KSR2: variants seen among roughly 807,000 people sequenced by gnomAD.
The protein encoded by KSR2 is kinase suppressor of ras 2.
A neutral mutation model predicts 107.8 loss-of-function variants in KSR2; 25 were observed. That is an observed-to-expected ratio of 0.23 (90% CI 0.17 to 0.32). The LOEUF is 0.32. Among genes scored for constraint, KSR2 ranks in the 10% least tolerant of loss-of-function variants. The pLI is 1.00. For synonymous variants in KSR2, 480 were observed against 507.0 expected, an observed-to-expected ratio of 0.95 and a Z score of 0.71; for missense variants, 887 against 1,268.9, an observed-to-expected ratio of 0.70 and a Z score of 4.57.
chr12:117,485,609 G>T lies in KSR2; in HGVS notation c.2302C>A (p.Gln768Lys). Residue 768 changes from glutamine to lysine, a missense_variant, in exon 15 of 20, where the codon CAA becomes AAA. Around this residue, in one of 8 missense-constraint regions of KSR2, gnomAD observed 308 missense variants for 506.2 expected, o/e 0.61. Transcript: ENST00000339824. ...GCCGACAGTACCTTCACAATTTCTT[G>T]AGCAATCTGCCTGGTTTTGTTGACA... ...LDVNKTRQIA[Q>K]EIVKGMGYLH... 1 of 1,613,266 alleles carries T rather than the reference G, an allele frequency of 6.2e-7. No homozygotes were observed. The highest frequency in any genetic ancestry group is 1.1e-5 in the South Asian group (1 of 91,038).
At chr12:117,601,610 G>A (rs892358315) in intron 5 of KSR2, among the ~76,000 whole-genome samples, 12 of 152,158 alleles carry the variant, frequency 7.9e-5, no homozygotes, top group Non-Finnish European at 1.8e-4. Flanking sequence ...GCCACCACCA[G>A]AAGCTGGGAG....
chr12:117,882,892 T>A (rs1420285512), intron 1 of KSR2, among the ~76,000 whole-genome samples: 1 of 151,844 alleles, frequency 6.6e-6, no homozygotes, highest in Non-Finnish European at 1.5e-5. Context: ...CATCCATCCA[T>A]CCACCCATCC....
chr12:117,713,472 C>A (rs1886870041), intron 4 of KSR2, among the ~76,000 whole-genome samples: 1 of 148,426 alleles, frequency 6.7e-6, no homozygotes, highest in South Asian at 2.1e-4. Context: ...GAATGTGCAA[C>A]AAATGTTGAG....
At chr12:117,555,461 T>C (rs889692744) in intron 8 of KSR2, among the ~76,000 whole-genome samples, 168 bp from the exon 9 acceptor site, 7 of 152,234 alleles carry the variant, frequency 4.6e-5, no homozygotes, top group African/African-American at 1.7e-4. Flanking sequence ...ACTCTGTGGT[T>C]TGCAACATAT....
chr12:117,805,267 T>C lies in KSR2; in HGVS notation c.473-43743A>G, dbSNP rs527388955. Among the ~76,000 whole-genome samples, 11 of 152,352 alleles carry C rather than the reference T, an allele frequency of 7.2e-5. No individual in the cohort carries two copies. In the East Asian group the frequency reaches 1.9e-3, roughly 27 times the overall value. On this transcript the variant is annotated intron_variant, in intron 3 of 19. Transcript: ENST00000339824. ...GGGACTAACTTGGCTGTGCTGAATT[T>C]AGACTCTGAATATTACTCAAGCCAT...
chr12:117,968,197 G>A lies in KSR2; in HGVS notation c.59C>T (p.Ala20Val), dbSNP rs749908572. ...EEQQPLSLQK[A>V]LQQCELVQNM... Reference sequence around the variant, plus strand: ...TTGGACCAGTTCGCACTGCTGTAAGGCTTTTTGCAAACTCAGAGGCTGCTG... The same window carrying A: ...TTGGACCAGTTCGCACTGCTGTAAGACTTTTTGCAAACTCAGAGGCTGCTG... The change falls in exon 1 of 20, where the codon GCC becomes GTC. Residue 20 changes from alanine (A) to valine (V), a missense_variant. Around this residue, in one of 8 missense-constraint regions of KSR2, gnomAD observed 32 missense variants for 25.9 expected, o/e 1.23. Transcript: ENST00000339824. 1.2e-6 allele frequency: 2 copies of A among 1,604,858 alleles called. No homozygotes were observed.
chr12:117,793,680 C>A (rs1890402863), intron 3 of KSR2, among the ~76,000 whole-genome samples: 1 of 150,052 alleles, frequency 6.7e-6, no homozygotes, highest in African/African-American at 2.5e-5. Flanking sequence ...CATGCACACA[C>A]CAACATGCAC....
At chr12:117,851,796 C>T (rs1302800230) in intron 3 of KSR2, among the ~76,000 whole-genome samples, 1 of 151,592 alleles carries the variant, frequency 6.6e-6, no homozygotes, top group East Asian at 1.9e-4. Context: ...GAGGCTGAGG[C>T]AAGGGAATCA....
chr12:117,854,888 T>A lies in KSR2; in HGVS notation c.472+540A>T, dbSNP rs866708973. On this transcript the variant is annotated intron_variant, in intron 3 of 19. Transcript: ENST00000339824. ...TTTTATTAGGTGAAAAAAAAAAAAA[T>A]TTAAGCAATATGTGTGGATAATTCT... Among the ~76,000 whole-genome samples, 504 of 151,334 alleles carry A rather than the reference T, an allele frequency of 3.3e-3. 3 individuals carry two copies. The highest frequency in any genetic ancestry group is 0.011 in the African/African-American group (454 of 41,204).
intron 1 of KSR2, among the ~76,000 whole-genome samples, chr12:117,861,757 T>C (rs1893305646): frequency 2.0e-5 from 3 of 152,120 alleles, no homozygotes; most frequent in Admixed American, 2.0e-4. Flanking sequence ...ACATTTTATT[T>C]AAACTCTTTT....
At chr12:117,924,449 G>A (rs1566083982) in intron 1 of KSR2, among the ~76,000 whole-genome samples, 1 of 150,884 alleles carries the variant, frequency 6.6e-6, no homozygotes, top group Non-Finnish European at 1.5e-5. Flanking sequence ...GCAGGCGCCT[G>A]TAATCCCAGC....
At chr12:117,944,593 C>T (rs768166026) in intron 1 of KSR2, among the ~76,000 whole-genome samples, 5 of 151,254 alleles carry the variant, frequency 3.3e-5, no homozygotes, top group Non-Finnish European at 5.9e-5. Context: ...CAGTGGCTCA[C>T]GCCTGCAATC....
At chr12:117,636,952 TAA>T (rs55981634) in intron 5 of KSR2, among the ~76,000 whole-genome samples, 25,050 of 149,394 alleles carry the variant, frequency 0.17, 2,147 homozygotes, top group Middle Eastern at 0.24. Context: ...TAAAAGTCAA[TAA>T]AAAAAAAGAG....
chr12:117,731,568 A>G (rs112262476), intron 4 of KSR2, among the ~76,000 whole-genome samples: 21,604 of 152,226 alleles, frequency 0.14, 1,562 homozygotes, highest in Middle Eastern at 0.17. Context: ...AGGCCATGAT[A>G]ACGATGGCGG....
rs564574828 is a variant in KSR2 at position 117,842,604 on chromosome 12, C to A, written c.472+12824G>T. Reference sequence around the variant, plus strand: ...GCCAAGCACAAGTTCAATGTCAATTCTGCACCCAATTCTTCTGCCCAGCAC... The same window carrying A: ...GCCAAGCACAAGTTCAATGTCAATTATGCACCCAATTCTTCTGCCCAGCAC... On this transcript the variant is annotated intron_variant, in intron 3 of 19. Coordinates refer to ENST00000339824, the MANE Select transcript of KSR2 (RefSeq NM_173598.6). This position sits in a 1 kb window ranked among gnomAD's most constrained non-coding sequence, Gnocchi z 4.2. Among the ~76,000 whole-genome samples, 42 of 152,304 alleles carry A rather than the reference C, an allele frequency of 2.8e-4. No individual in the cohort carries two copies. Among genetic ancestry groups the A allele is most frequent in the African/African-American group, 1.0e-3 (42 of 41,570 alleles).
At chr12:117,604,300 A>T (rs971564745) in intron 5 of KSR2, among the ~76,000 whole-genome samples, 4 of 152,178 alleles carry the variant, frequency 2.6e-5, no homozygotes, top group Non-Finnish European at 5.9e-5. Flanking sequence ...ACTTCCCAGC[A>T]TGTCAGAATG....
At chr12:117,472,098 G>A (rs573585083) in intron 17 of KSR2, among the ~76,000 whole-genome samples, 61 of 152,136 alleles carry the variant, frequency 4.0e-4, no homozygotes, top group African/African-American at 1.4e-3. Context: ...AATAGGGTAG[G>A]TTTCCTGGGT....
chr12:117,539,940 CA>C (rs1876359957), intron 9 of KSR2, 53 bp from the exon 10 acceptor site: 1 of 1,507,048 alleles, frequency 6.6e-7, no homozygotes, highest in Admixed American at 2.0e-5. Context: ...AGCAGAAACA[CA>C]GCAGAAAGAG....
Position 117,525,105 on chromosome 12 carries a change from G to A in KSR2, c.1966C>T (p.Leu656Phe), listed in dbSNP as rs755992597. Residue 656 changes from leucine (L) to phenylalanine (F), a missense_variant, in exon 14 of 20, where the codon CTT becomes TTT. Around this residue, in one of 8 missense-constraint regions of KSR2, gnomAD observed 308 missense variants for 506.2 expected, o/e 0.61. Coordinates refer to ENST00000339824, the MANE Select transcript of KSR2 (RefSeq NM_173598.6). ...PRKASQTSIFLQEWDIPFEQL... is the reference protein window; with the variant it reads ...PRKASQTSIFFQEWDIPFEQL... ...TCAAAGGGGATGTCCCACTCCTGAA[G>A]GAAGATGCTGGTCTGGCTGGCCTTG... 1.2e-6 allele frequency: 2 copies of A among 1,614,004 alleles called. No individual in the cohort carries two copies. Among genetic ancestry groups the A allele is most frequent in the Admixed American group, 1.7e-5 (1 of 60,032 alleles).
Sources: allele counts gnomAD v4.1 joint callset (sites outside exome capture counted in the v4.1 genomes callset), GRCh38; gene constraint gnomAD v4.1.1; regional missense constraint gnomAD v4.1.1; non-coding constraint Gnocchi (gnomAD v3.1); transcripts MANE v1.5; gene names NCBI Gene and HGNC (gene_info 2026-07-23, HGNC 2026-07-21).